Variants in ST3GAL1 observed in about 807,000 individuals in gnomAD.
The protein encoded by ST3GAL1 is CMP-N-acetylneuraminate-beta-galactosamide-alpha-2,3-sialyltransferase 1.
A neutral mutation model predicts 34.1 loss-of-function variants in ST3GAL1; 16 were observed. The ratio of observed to expected loss-of-function variants is 0.47; its 90% confidence interval spans 0.32 to 0.71. ST3GAL1 has a LOEUF of 0.71. Ranked by LOEUF, ST3GAL1 falls within the 30% of genes least tolerant of loss-of-function variation. ST3GAL1 has a pLI of 0.04. For missense variants in ST3GAL1, 353 were observed against 447.4 expected (o/e 0.79, Z 1.90); for synonymous variants, 191 against 184.7 (o/e 1.03, Z -0.28).
At chr8:133,547,807 G>C (rs1434904877) in intron 1 of ST3GAL1, among the ~76,000 whole-genome samples, 1 of 152,210 alleles carries the variant, frequency 6.6e-6, no homozygotes, top group Admixed American at 6.5e-5. Flanking sequence ...TGATACATGA[G>C]GATAAACTTG....
At position 133,469,815 on chromosome 8, in the gene ST3GAL1, C is replaced by T. The variant is rs377171453; in HGVS notation, c.307-3725G>A. 6.6e-6 allele frequency among the ~76,000 whole-genome samples: 1 copy of T among 152,274 alleles called. No individual in the cohort carries two copies. Among genetic ancestry groups the T allele is most frequent in the Non-Finnish European group, 1.5e-5 (1 of 68,018 alleles). On this transcript the variant is annotated intron_variant, in intron 5 of 9. Coordinates refer to ENST00000522652, the MANE Select transcript of ST3GAL1 (RefSeq NM_173344.3). This position sits in a 1 kb window ranked among gnomAD's most constrained non-coding sequence, Gnocchi z 4.3. Reference sequence around the variant, plus strand: ...GAAATGACCTCCGGGCTCTGTGATGCGACTTTCTCTAGTGCCCTGCCTCAC... The same window carrying T: ...GAAATGACCTCCGGGCTCTGTGATGTGACTTTCTCTAGTGCCCTGCCTCAC...
chr8:133,488,429 A>G (rs1215561207), intron 3 of ST3GAL1: 2 of 152,232 alleles, frequency 1.3e-5, no homozygotes, highest in African/African-American at 4.8e-5. Context: ...AAGGGCAAAA[A>G]CTGAGGTTCC....
intron 5 of ST3GAL1, among the ~76,000 whole-genome samples, chr8:133,472,175 T>G (rs1384086658): frequency 6.6e-6 from 1 of 151,728 alleles, no homozygotes; most frequent in Non-Finnish European, 1.5e-5. Context: ...CAACTCAATT[T>G]AACTCAACTC....
chr8:133,549,508 T>C (rs1249729535), intron 1 of ST3GAL1, among the ~76,000 whole-genome samples: 1 of 152,214 alleles, frequency 6.6e-6, no homozygotes, highest in African/African-American at 2.4e-5. Flanking sequence ...TGTGGCCGAC[T>C]GTGATCTTCA....
chr8:133,515,826 AATATT>A (rs1817629468), intron 2 of ST3GAL1: 1 of 152,056 alleles, frequency 6.6e-6, no homozygotes, highest in South Asian at 2.1e-4. Flanking sequence ...TATTTATATA[AATATT>A]ATGTTAGCTT....
Position 133,475,911 on chromosome 8 carries a change from G to C in ST3GAL1, c.114C>G (p.Phe38Leu). The change falls in exon 5 of 10, where the codon TTC becomes TTG. Residue 38 changes from phenylalanine to leucine, a missense_variant. By Grantham distance (22) the Phe-to-Leu change is conservative. Transcript: ENST00000522652. ...AGAGCTCCAGGACCATCTGCTTGGG[G>C]AACCAGGTGGTGGCCACCATGGTGT... ...YSHTMVATTWFPKQMVLELSE... is the reference protein window; with the variant it reads ...YSHTMVATTWLPKQMVLELSE... 1 of 1,614,066 alleles carries C rather than the reference G, an allele frequency of 6.2e-7. No individual in the cohort carries two copies. The highest frequency in any genetic ancestry group is 8.5e-7 in the Non-Finnish European group (1 of 1,180,028).
intron 8 of ST3GAL1, 78 bp from the exon 9 acceptor site, chr8:133,462,072 T>C: frequency 3.1e-6 from 5 of 1,596,152 alleles, no homozygotes; most frequent in Non-Finnish European, 4.3e-6. Flanking sequence ...ATGTACATAC[T>C]GTTGTGGCCA....
intron 3 of ST3GAL1, among the ~76,000 whole-genome samples, chr8:133,494,016 G>A (rs935820804): frequency 6.6e-6 from 1 of 152,184 alleles, no homozygotes; most frequent in African/African-American, 2.4e-5. Context: ...GTCTGAGTGT[G>A]TGTGTGTTAT....
At chr8:133,527,043 C>T (rs3779925) in intron 2 of ST3GAL1, among the ~76,000 whole-genome samples, 12,846 of 152,138 alleles carry the variant, frequency 0.084, 942 homozygotes, top group African/African-American at 0.19. Context: ...TGATCCCTGA[C>T]CTGACTGATT....
chr8:133,537,643 C>T (rs558399463), intron 2 of ST3GAL1, among the ~76,000 whole-genome samples: 2 of 152,300 alleles, frequency 1.3e-5, no homozygotes, highest in East Asian at 1.9e-4. Context: ...GAACGCCAGG[C>T]CCATTCTCTG....
intron 2 of ST3GAL1, chr8:133,515,579 T>C (rs1472241502): frequency 6.6e-6 from 1 of 152,198 alleles, no homozygotes; most frequent in Non-Finnish European, 1.5e-5. Flanking sequence ...CTAGAAGTCA[T>C]GACATTTCTC....
At position 133,458,876 on chromosome 8, in the gene ST3GAL1, TTTTTC is replaced by T. The variant is rs1022027615; in HGVS notation, c.*883_*887del. 1 of 149,822 alleles carries T rather than the reference TTTTTC, an allele frequency of 6.7e-6. No homozygotes were observed. 9.3% of individuals were successfully genotyped at this position (149,822 alleles called of 1,614,324 possible). On this transcript the variant is annotated 3_prime_UTR_variant, in exon 10 of 10. Transcript: ENST00000522652. Reference sequence around the variant, plus strand: ...AAACACGGTGCCAAGTTTGGGGTTTTTTTTCTTTTCTTTTTTTTTTTTTTTCAGAG... The same window carrying T: ...AAACACGGTGCCAAGTTTGGGGTTTTTTTTCTTTTTTTTTTTTTTTCAGAG...
intron 3 of ST3GAL1, among the ~76,000 whole-genome samples, chr8:133,484,836 T>C (rs1045118793): frequency 6.6e-6 from 1 of 152,174 alleles, no homozygotes; most frequent in Non-Finnish European, 1.5e-5. Context: ...CCTGGCCTGA[T>C]ACCGCTGACC....
chr8:133,516,205 T>C (rs1817642711), intron 2 of ST3GAL1: 1 of 152,176 alleles, frequency 6.6e-6, no homozygotes, highest in South Asian at 2.1e-4. Flanking sequence ...CTGCTATGCC[T>C]AGAAGGTATA....
At chr8:133,470,814 G>A (rs1207908619) in intron 5 of ST3GAL1, among the ~76,000 whole-genome samples, 1 of 152,170 alleles carries the variant, frequency 6.6e-6, no homozygotes, top group Admixed American at 6.5e-5. Context: ...GGCACGGCCC[G>A]AGAGCGGACA....
intron 1 of ST3GAL1, among the ~76,000 whole-genome samples, chr8:133,560,454 G>A (rs62518383): frequency 0.062 from 9,381 of 152,310 alleles, 393 homozygotes; most frequent in Non-Finnish European, 0.093. Flanking sequence ...TGGTGAATCG[G>A]GGAGAAGACT....
At chr8:133,513,191 A>C (rs991689358) in intron 2 of ST3GAL1, among the ~76,000 whole-genome samples, 6 of 152,196 alleles carry the variant, frequency 3.9e-5, no homozygotes, top group African/African-American at 1.4e-4. Flanking sequence ...CCCCCACCCC[A>C]GCCCTGCTGA....
At chr8:133,561,697 G>A (rs946363152) in intron 1 of ST3GAL1, among the ~76,000 whole-genome samples, 3 of 152,170 alleles carry the variant, frequency 2.0e-5, no homozygotes, top group African/African-American at 4.8e-5. Flanking sequence ...GCACGGGGGT[G>A]AGGTGGAGGC....
At chr8:133,548,642 C>T (rs1309721083) in intron 1 of ST3GAL1, among the ~76,000 whole-genome samples, 1 of 152,180 alleles carries the variant, frequency 6.6e-6, no homozygotes, top group African/African-American at 2.4e-5. Flanking sequence ...CACCACCTTC[C>T]AAACTCGAAG....
Sources: allele counts gnomAD v4.1 joint callset (sites outside exome capture counted in the v4.1 genomes callset), GRCh38; gene constraint gnomAD v4.1.1; non-coding constraint Gnocchi (gnomAD v3.1); transcripts MANE v1.5; gene names NCBI Gene and HGNC (gene_info 2026-07-23, HGNC 2026-07-21).